Variants in ABCA12 observed in about 807,000 individuals in gnomAD.
The protein encoded by ABCA12 is ATP binding cassette subfamily A member 12, also known as glucosylceramide transporter ABCA12.
ABCA12 carries 156 observed loss-of-function variants against 293.5 expected under a neutral mutation model. The ratio of observed to expected loss-of-function variants is 0.53; its 90% confidence interval spans 0.47 to 0.61. The LOEUF is 0.61. ABCA12 is among the 20% of genes least tolerant of loss of function. The probability of loss-of-function intolerance (pLI) is 0.00; values close to 1 mark genes in which losing one functional copy is unlikely to be tolerated. For synonymous variants in ABCA12, 1,063 were observed against 1,108.0 expected, an observed-to-expected ratio of 0.96 and a Z score of 0.81; for missense variants, 2,797 against 3,090.2, an observed-to-expected ratio of 0.91 and a Z score of 2.25.
intron 20 of ABCA12, among the ~76,000 whole-genome samples, chr2:215,003,216 C>A (rs1282573371): frequency 6.6e-6 from 1 of 152,142 alleles, no homozygotes; most frequent in East Asian, 1.9e-4. Flanking sequence ...GTTTCTCATA[C>A]CCATGGTTGC....
At chr2:215,134,397 T>A (rs1703142118) in intron 1 of ABCA12, among the ~76,000 whole-genome samples, 1 of 146,508 alleles carries the variant, frequency 6.8e-6, no homozygotes, top group South Asian at 2.1e-4. Flanking sequence ...TATATGTATA[T>A]GTGTATATAT....
intron 2 of ABCA12, among the ~76,000 whole-genome samples, chr2:215,101,190 GTTC>G (rs1296110307): frequency 4.6e-5 from 7 of 152,322 alleles, no homozygotes; most frequent in African/African-American, 1.7e-4. Flanking sequence ...TGAAAGGCAA[GTTC>G]TTCTCCGTGA....
At chr2:215,058,200 C>A (rs1204024916) in intron 3 of ABCA12, among the ~76,000 whole-genome samples, 1 of 151,984 alleles carries the variant, frequency 6.6e-6, no homozygotes, top group Admixed American at 6.6e-5. Flanking sequence ...TACCCCTACC[C>A]CGGGGGACAT....
In ABCA12 at chr2:215,105,127, C is replaced by T. The variant is rs559575109; in HGVS notation, c.163+6470G>A. Among the ~76,000 whole-genome samples the T allele has an allele frequency of 1.2e-4, 18 of 152,202 alleles. No homozygotes were observed. The East Asian group carries it at 2.1e-3, about 18-fold the overall frequency. On this transcript the variant is annotated intron_variant, in intron 2 of 52. Coordinates refer to ENST00000272895, the MANE Select transcript of ABCA12 (RefSeq NM_173076.3). ...GTTAGGAACCATGCTATACCTTGTG[C>T]GTACAGTGGTATGATGTGATTTCTG...
At chr2:214,946,453 C>G (rs1698585423) in intron 48 of ABCA12, among the ~76,000 whole-genome samples, 1 of 151,838 alleles carries the variant, frequency 6.6e-6, no homozygotes, top group Non-Finnish European at 1.5e-5. Context: ...CACAGAGGTG[C>G]CTAAAGATTG....
chr2:214,954,138 G>T (rs915598853), intron 43 of ABCA12, 31 bp from the exon 44 acceptor site: 2 of 1,609,080 alleles, frequency 1.2e-6, no homozygotes, highest in East Asian at 4.5e-5. Flanking sequence ...ATAAAACTCA[G>T]TGTTAAGTTT....
chr2:214,954,132 AACTC>A, intron 43 of ABCA12, 25 bp from the exon 44 acceptor site: 1 of 1,611,054 alleles, frequency 6.2e-7, no homozygotes, highest in Non-Finnish European at 8.5e-7. Context: ...ATAAAAATAA[AACTC>A]AGTGTTAAGT....
rs183568038 is a variant in ABCA12, at chr2:215,007,580, C to T, written c.2592+147G>A. On this transcript the variant is annotated intron_variant, in intron 19 of 52. Transcript: ENST00000272895. ...ATGAATATGAGTGATAGATCAGTTA[C>T]CCTGTCTCAGACCTTCTCTCTGGAA... 151 of 1,005,950 alleles carry T rather than the reference C, an allele frequency of 1.5e-4. No individual in the cohort carries two copies. The African/African-American group carries it at 2.1e-3, about 14-fold the overall frequency. The allele number at this position is 1,005,950 out of a possible 1,614,324, so 62.3% of individuals were successfully genotyped here. A position where few individuals can be genotyped will look rare whatever the true frequency, so the allele number is the denominator to read the frequency against.
rs1312660778 is a variant in ABCA12 at position 215,015,550 on chromosome 2, C to T, written c.1896G>A (p.Gln632=). 1 of 1,614,102 alleles carries T rather than the reference C, an allele frequency of 6.2e-7. No individual in the cohort carries two copies. Among genetic ancestry groups the T allele is most frequent in the Non-Finnish European group, 8.5e-7 (1 of 1,179,994 alleles). The change falls in exon 15 of 53, where the codon CAG becomes CAA. Residue 632 remains glutamine, a synonymous_variant. Transcript: ENST00000272895. ...GAAGGGTGAGTCCGATGAGGTAAGA[C>T]TGCCGGGATCTCTCTGAAAGAGACA... ...CNLSLSERSR[Q]SYLIGLTLLH... is the part of the protein sequence containing the mutation.
intron 33 of ABCA12, among the ~76,000 whole-genome samples, chr2:214,977,328 A>G (rs1233925000): frequency 6.6e-6 from 1 of 152,218 alleles, no homozygotes; most frequent in African/African-American, 2.4e-5. Context: ...CCACTTTCTA[A>G]TAAAAGTCCT....
chr2:215,105,691 G>T (rs1035906190), intron 2 of ABCA12, among the ~76,000 whole-genome samples: 2 of 151,848 alleles, frequency 1.3e-5, no homozygotes, highest in African/African-American at 4.8e-5. Flanking sequence ...TGAACCAAGG[G>T]GTGACAGGAA....
rs751192243 is a variant in ABCA12 at position 214,989,376 on chromosome 2, G to T, written c.3782C>A (p.Ser1261Tyr). The T allele has an allele frequency of 6.2e-7, 1 of 1,613,326 alleles. No homozygotes were observed. Among genetic ancestry groups the T allele is most frequent in the Non-Finnish European group, 8.5e-7 (1 of 1,179,896 alleles). Reference sequence around the variant, plus strand: ...CCAAGCAATAAGGAAATAAATGAAAGAGTCAGCTAGGATTAGACAGCACAG... The same window carrying T: ...CCAAGCAATAAGGAAATAAATGAAATAGTCAGCTAGGATTAGACAGCACAG... ...GWLCCLILAD[S>Y]FIYFLIAWYV... Residue 1261 changes from serine (S) to tyrosine (Y), a missense_variant, in exon 26 of 53, where the codon TCT becomes TAT. By Grantham distance (144) the Ser-to-Tyr change is moderately radical (BLOSUM62 -2). Transcript: ENST00000272895.
At chr2:215,007,269 A>G (rs1006773980) in intron 19 of ABCA12, among the ~76,000 whole-genome samples, 1 of 152,194 alleles carries the variant, frequency 6.6e-6, no homozygotes, top group Non-Finnish European at 1.5e-5. Context: ...TGTGTATAAC[A>G]TGTCAAACTG....
chr2:214,963,247 C>T (rs1268373597), intron 39 of ABCA12: 1 of 151,974 alleles, frequency 6.6e-6, no homozygotes, highest in Non-Finnish European at 1.5e-5. Context: ...CCGCTGACCC[C>T]ATAGAAATAC....
chr2:215,056,293 A>C (rs764576670), intron 3 of ABCA12, among the ~76,000 whole-genome samples: 1 of 152,106 alleles, frequency 6.6e-6, no homozygotes, highest in Non-Finnish European at 1.5e-5. Flanking sequence ...CACATTCAGA[A>C]ACGAAACCTA....
chr2:214,974,105 G>A lies in ABCA12; in HGVS notation c.5469-63C>T, dbSNP rs376253371. 12 of 1,381,896 alleles carry A rather than the reference G, an allele frequency of 8.7e-6. No homozygotes were observed. In the East Asian group the frequency reaches 2.3e-4, roughly 26 times the overall value. The allele number at this position is 1,381,896 out of a possible 1,614,324, so 85.6% of individuals were successfully genotyped here. On this transcript the variant is annotated intron_variant, in intron 35 of 52. Transcript: ENST00000272895. ...TATATGTGTTCTCATGTTTACATAT[G>A]AGCATGTAAACAAGTATTTGGTATT... is the stretch of plus-strand genomic sequence containing the variant.
chr2:214,992,462 G>GAAAAAAAAA (rs35911401), intron 23 of ABCA12, among the ~76,000 whole-genome samples: 2 of 77,360 alleles, frequency 2.6e-5, no homozygotes, highest in Non-Finnish European at 4.3e-5. Context: ...AAAAAAAAAT[G>GAAAAAAAAA]AAAAAAAAAA....
chr2:215,131,570 C>G, intron 1 of ABCA12, among the ~76,000 whole-genome samples: 1 of 151,762 alleles, frequency 6.6e-6, no homozygotes, highest in East Asian at 1.9e-4. Context: ...TCTCTGGTAA[C>G]AGTTGTGATG....
intron 1 of ABCA12, among the ~76,000 whole-genome samples, chr2:215,131,011 T>A (rs1703042919): frequency 6.6e-6 from 1 of 151,970 alleles, no homozygotes; most frequent in South Asian, 2.1e-4. Context: ...GATCATATGG[T>A]CTTTGTGCTT....
Sources: gnomAD v4.1 joint callset for allele counts (sites outside exome capture counted in the v4.1 genomes callset) on GRCh38, gnomAD v4.1.1 for gene constraint, MANE v1.5 for transcripts, NCBI Gene and HGNC (gene_info 2026-07-23, HGNC 2026-07-21) for gene names.